The following TDRD3 variants were observed in gnomAD, a reference collection of about 807,000 sequenced individuals.
TDRD3 encodes the protein tudor domain containing 3, also known as tudor domain-containing protein 3.
TDRD3 carries 45 observed loss-of-function variants against 86.7 expected under a neutral mutation model. The ratio of observed to expected loss-of-function variants is 0.52; its 90% CI spans 0.41 to 0.67. TDRD3 has a LOEUF of 0.67. Ranked by LOEUF, TDRD3 falls within the 30% of genes least tolerant of loss-of-function variation. The pLI is 0.00. For synonymous variants in TDRD3, 298 were observed against 301.7 expected, an observed-to-expected ratio of 0.99 and a Z score of 0.13; for missense variants, 814 against 889.0, an observed-to-expected ratio of 0.92 and a Z score of 1.07.
chr13:60,420,805 G>A (rs539919940), intron 1 of TDRD3, among the ~76,000 whole-genome samples: 52 of 152,140 alleles, frequency 3.4e-4, no homozygotes, highest in African/African-American at 1.1e-3. Context: ...TTAGCCGGGC[G>A]TGATGGCGGG....
intron 2 of TDRD3, among the ~76,000 whole-genome samples, chr13:60,439,974 A>G (rs565851587): frequency 2.0e-5 from 3 of 152,312 alleles, no homozygotes; most frequent in South Asian, 4.1e-4. Flanking sequence ...ACAGAATCCA[A>G]TGAAAAAGGA....
At chr13:60,423,219 A>G (rs575997335) in intron 1 of TDRD3, among the ~76,000 whole-genome samples, 1 of 152,312 alleles carries the variant, frequency 6.6e-6, no homozygotes, top group South Asian at 2.1e-4. Flanking sequence ...AGGCCATATA[A>G]AAATAGTTTT....
intron 12 of TDRD3, among the ~76,000 whole-genome samples, chr13:60,562,697 T>C (rs1408417541): frequency 6.6e-6 from 1 of 152,254 alleles, no homozygotes; most frequent in Non-Finnish European, 1.5e-5. Flanking sequence ...TTTCATATGC[T>C]GATGTATGTA....
intron 5 of TDRD3, among the ~76,000 whole-genome samples, chr13:60,471,104 A>G (rs1250921223): frequency 3.3e-5 from 5 of 152,106 alleles, no homozygotes; most frequent in Non-Finnish European, 7.4e-5. Context: ...TATTTTTCCC[A>G]TCCCATGTGT....
intron 2 of TDRD3, among the ~76,000 whole-genome samples, chr13:60,443,359 A>G (rs1955327406): frequency 6.6e-6 from 1 of 151,960 alleles, no homozygotes; most frequent in Admixed American, 6.6e-5. Flanking sequence ...CTGTCATTGG[A>G]TTGAGGTTGT....
chr13:60,483,009 G>C (rs1164104083), intron 5 of TDRD3, among the ~76,000 whole-genome samples: 7 of 152,026 alleles, frequency 4.6e-5, no homozygotes, highest in Admixed American at 6.6e-5. Context: ...ATCAGAGGAA[G>C]AGATAACTGA....
At chr13:60,398,582 C>T in intron 1 of TDRD3, among the ~76,000 whole-genome samples, 1 of 152,150 alleles carries the variant, frequency 6.6e-6, no homozygotes. Flanking sequence ...TTTGAAGAAG[C>T]CCCTCCTGAT....
In TDRD3 at chr13:60,467,368, G is replaced by C; in HGVS notation, c.484G>C (p.Glu162Gln). Residue 162 changes from glutamate (E) to glutamine (Q), a missense_variant, in exon 5 of 14, where the codon GAG becomes CAG. Coordinates refer to ENST00000377881, the MANE Select transcript of TDRD3 (RefSeq NM_001146070.2). ...AGTGGAACACCTTATTGAGAAATGG[G>C]AGTTACAGAGAGTAAGTGTAAACTA... ...GEVEHLIEKW[E>Q]LQRSLSKHNR... 6.2e-7 allele frequency: 1 copy of C among 1,613,406 alleles called. No homozygotes were observed. The highest frequency in any genetic ancestry group is 8.5e-7 in the Non-Finnish European group (1 of 1,179,686).
chr13:60,519,047 C>A (rs1199928669), intron 10 of TDRD3, among the ~76,000 whole-genome samples: 1 of 152,056 alleles, frequency 6.6e-6, no homozygotes, highest in Non-Finnish European at 1.5e-5. Flanking sequence ...AACTTAATTT[C>A]TTTGCATATG....
At chr13:60,477,398 A>G (rs1956208709) in intron 5 of TDRD3, among the ~76,000 whole-genome samples, 1 of 152,002 alleles carries the variant, frequency 6.6e-6, no homozygotes, top group African/African-American at 2.4e-5. Context: ...AATTTTTTAT[A>G]GAGATGAGGT....
chr13:60,504,916 A>G (rs1186054112), intron 8 of TDRD3, among the ~76,000 whole-genome samples: 10 of 152,172 alleles, frequency 6.6e-5, no homozygotes, highest in African/African-American at 2.2e-4. Context: ...CCCAGATACT[A>G]TGCTTTTCTC....
At chr13:60,484,493 G>C (rs1397578328) in intron 6 of TDRD3, among the ~76,000 whole-genome samples, 1 of 152,072 alleles carries the variant, frequency 6.6e-6, no homozygotes. Context: ...GACATAACAG[G>C]TAGGCAACAG....
chr13:60,543,385 A>C (rs894909375), intron 12 of TDRD3, among the ~76,000 whole-genome samples: 3 of 152,126 alleles, frequency 2.0e-5, no homozygotes, highest in East Asian at 1.9e-4. Flanking sequence ...ATTTAAGTAC[A>C]TTTTTTGATT....
At chr13:60,556,135 C>T (rs535582834) in intron 12 of TDRD3, among the ~76,000 whole-genome samples, 2 of 152,220 alleles carry the variant, frequency 1.3e-5, no homozygotes, top group South Asian at 2.1e-4. Context: ...CGTGAGCCAC[C>T]GCACCCGGCC....
chr13:60,404,599 C>T (rs1400282770), intron 1 of TDRD3, among the ~76,000 whole-genome samples: 7 of 150,672 alleles, frequency 4.6e-5, no homozygotes, highest in Non-Finnish European at 8.8e-5. Context: ...CGTGAGCCAC[C>T]GCGCCCGGCC....
At chr13:60,509,981 T>C in intron 9 of TDRD3, 62 bp downstream of exon 9, 1 of 1,551,960 alleles carries the variant, frequency 6.4e-7, no homozygotes, top group Non-Finnish European at 8.7e-7. Flanking sequence ...ATATATGTTA[T>C]TGACAGAGGC....
intron 6 of TDRD3, chr13:60,484,745 A>G (rs1379765198): frequency 4.4e-6 from 2 of 451,586 alleles, no homozygotes; most frequent in Admixed American, 2.4e-5. Context: ...CTATGGTGTG[A>G]TCCATGTTGA....
At chr13:60,463,726 A>G (rs1955853070) in intron 4 of TDRD3, among the ~76,000 whole-genome samples, 1 of 152,244 alleles carries the variant, frequency 6.6e-6, no homozygotes, top group African/African-American at 2.4e-5. Flanking sequence ...ATTTCTCAAA[A>G]GAAGACATAC....
chr13:60,573,002 G>C (rs1958622134), intron 13 of TDRD3, among the ~76,000 whole-genome samples: 1 of 152,168 alleles, frequency 6.6e-6, no homozygotes, highest in Non-Finnish European at 1.5e-5. Context: ...TTTGTATGCA[G>C]CCGCAGGAAC....
Sources: allele counts gnomAD v4.1 joint callset (sites outside exome capture counted in the v4.1 genomes callset), GRCh38; gene constraint gnomAD v4.1.1; transcripts MANE v1.5; gene names NCBI Gene and HGNC (gene_info 2026-07-23, HGNC 2026-07-21).